Variants in ERICH3 observed in about 807,000 individuals in gnomAD.
ERICH3 encodes glutamate rich 3.
Under a neutral mutation model 131.1 loss-of-function variants are expected in ERICH3, and 126 were observed. The ratio of observed to expected loss-of-function variants is 0.96; its 90% CI spans 0.83 to 1.11. The LOEUF is 1.11. Ranked by LOEUF, ERICH3 falls within the 50% of genes most tolerant of loss-of-function variation. ERICH3 has a pLI of 0.00. For synonymous variants in ERICH3, 695 were observed against 644.6 expected (o/e 1.08, Z -1.18); for missense variants, 2,050 against 1,810.7 (o/e 1.13, Z -2.40).
chr1:74,604,030 C>T (rs1297293453), intron 10 of ERICH3, among the ~76,000 whole-genome samples: 1 of 151,828 alleles, frequency 6.6e-6, no homozygotes, highest in Non-Finnish European at 1.5e-5. Context: ...CACAGTAAAA[C>T]CTCTTTTAAA....
chr1:74,588,453 A>T (rs925019464), intron 12 of ERICH3, among the ~76,000 whole-genome samples: 1 of 152,178 alleles, frequency 6.6e-6, no homozygotes, highest in South Asian at 2.1e-4. Flanking sequence ...GAAGTAATAG[A>T]TAACTATTCG....
intron 1 of ERICH3, among the ~76,000 whole-genome samples, chr1:74,662,224 C>A (rs908997803): frequency 6.6e-6 from 1 of 152,148 alleles, no homozygotes; most frequent in African/African-American, 2.4e-5. Flanking sequence ...ATTGGAATCT[C>A]AATATTCGTC....
intron 1 of ERICH3, among the ~76,000 whole-genome samples, chr1:74,661,357 C>A (rs1374676795): frequency 6.6e-6 from 1 of 152,040 alleles, no homozygotes; most frequent in Non-Finnish European, 1.5e-5. Context: ...TAGAGAGGTA[C>A]AAATGTTCTG....
chr1:74,598,094 T>C (rs1203417428), intron 11 of ERICH3, among the ~76,000 whole-genome samples: 2 of 151,992 alleles, frequency 1.3e-5, no homozygotes, highest in African/African-American at 4.8e-5. Flanking sequence ...GTCTACCTAC[T>C]GCTGTTTTCC....
chr1:74,672,703 T>TA (rs1427256534), intron 1 of ERICH3, among the ~76,000 whole-genome samples: 3 of 152,140 alleles, frequency 2.0e-5, no homozygotes, highest in East Asian at 3.8e-4. Flanking sequence ...TGTATCATAA[T>TA]AAAAAATCGT....
chr1:74,598,550 C>T (rs1647964160), intron 11 of ERICH3, among the ~76,000 whole-genome samples: 1 of 151,690 alleles, frequency 6.6e-6, no homozygotes, highest in African/African-American at 2.4e-5. Context: ...ATGTGATAAA[C>T]TATGCCTAAT....
In ERICH3 at chr1:74,606,541, A is replaced by G. The variant is rs142394781; in HGVS notation, c.1489+60T>C. Reference sequence around the variant, plus strand: ...TATTTTTGAAAATTTTGATCATCACATTTCAAAGACAAACGAAACAGCCAC... The same window carrying G: ...TATTTTTGAAAATTTTGATCATCACGTTTCAAAGACAAACGAAACAGCCAC... On this transcript the variant is annotated intron_variant, in intron 10 of 14. Transcript: ENST00000326665. 7.7e-4 allele frequency: 1,149 copies of G among 1,499,648 alleles called. 11 individuals are homozygous for G. The African/African-American group carries it at 0.014, about 18-fold the overall frequency. The allele number at this position is 1,499,648 out of a possible 1,614,324, so 92.9% of individuals were successfully genotyped here.
At chr1:74,585,000 C>G (rs1248004035) in intron 12 of ERICH3, among the ~76,000 whole-genome samples, 2 of 152,104 alleles carry the variant, frequency 1.3e-5, no homozygotes, top group Non-Finnish European at 2.9e-5. Context: ...TTCAAATTGC[C>G]TGGTCAAGCA....
intron 11 of ERICH3, among the ~76,000 whole-genome samples, chr1:74,593,093 C>G (rs1647683883): frequency 6.6e-6 from 1 of 152,112 alleles, no homozygotes; most frequent in Non-Finnish European, 1.5e-5. Flanking sequence ...GCTATAAGAA[C>G]CTGCTTTTGC....
intron 7 of ERICH3, among the ~76,000 whole-genome samples, chr1:74,626,448 G>A (rs530076112): frequency 2.0e-5 from 3 of 152,108 alleles, no homozygotes; most frequent in Non-Finnish European, 4.4e-5. Context: ...TCAAACTAGT[G>A]TCATAAACTT....
At chr1:74,660,698 ATG>A (rs1258395183) in intron 1 of ERICH3, among the ~76,000 whole-genome samples, 2 of 149,008 alleles carry the variant, frequency 1.3e-5, no homozygotes, top group Non-Finnish European at 3.0e-5. Context: ...TATATATATT[ATG>A]TGTGTATATA....
intron 1 of ERICH3, among the ~76,000 whole-genome samples, chr1:74,663,188 C>T (rs982748328): frequency 1.3e-5 from 2 of 152,066 alleles, no homozygotes; most frequent in Non-Finnish European, 1.5e-5. Context: ...AGACACCAAG[C>T]GAACATATTG....
chr1:74,571,210 C>T lies in ERICH3; in HGVS notation c.4500G>A (p.Lys1500=). 4 of 1,614,150 alleles carry T rather than the reference C, an allele frequency of 2.5e-6. No individual in the cohort carries two copies. The highest frequency in any genetic ancestry group is 3.4e-6 in the Non-Finnish European group (4 of 1,180,018). ...SLQAMATLPV[K]PDFTETREKQ... Reference sequence around the variant, plus strand: ...TCTCTCGGGTTTCAGTGAAATCAGGCTTCACTGGAAGTGTTGCCATCGCCT... The same window carrying T: ...TCTCTCGGGTTTCAGTGAAATCAGGTTTCACTGGAAGTGTTGCCATCGCCT... The change falls in exon 14 of 15, where the codon AAG becomes AAA. Residue 1500 remains lysine (K), a synonymous_variant. Coordinates refer to ENST00000326665, the MANE Select transcript of ERICH3 (RefSeq NM_001002912.5).
intron 9 of ERICH3, among the ~76,000 whole-genome samples, chr1:74,607,240 T>A (rs1399931542): frequency 6.6e-6 from 1 of 151,934 alleles, no homozygotes; most frequent in Non-Finnish European, 1.5e-5. Context: ...ACACATATCA[T>A]AGATACAGAA....
rs1311955054 is a variant in ERICH3, at chr1:74,599,895, T to C, written c.1526A>G (p.Gln509Arg). 2.5e-6 allele frequency: 4 copies of C among 1,611,674 alleles called. No homozygotes were observed. The highest frequency in any genetic ancestry group is 2.2e-5 in the South Asian group (2 of 90,886). ...EEDFEVDEEKQGEKSNEEGQA... is the reference protein window; with the variant it reads ...EEDFEVDEEKRGEKSNEEGQA... Reference sequence around the variant, plus strand: ...TCCTTCTTCATTAGATTTTTCACCTTGTTTCTCCTCATCTACTTCAAAGTC... The same window carrying C: ...TCCTTCTTCATTAGATTTTTCACCTCGTTTCTCCTCATCTACTTCAAAGTC... Residue 509 changes from glutamine to arginine, a missense_variant, in exon 11 of 15, where the codon CAA becomes CGA. Transcript: ENST00000326665.
intron 1 of ERICH3, among the ~76,000 whole-genome samples, chr1:74,666,491 C>A (rs915517827): frequency 7.2e-5 from 11 of 152,144 alleles, no homozygotes; most frequent in African/African-American, 2.4e-4. Context: ...CTTGTCACAT[C>A]TTTTTCTCTT....
At chr1:74,596,555 T>C (rs966947634) in intron 11 of ERICH3, among the ~76,000 whole-genome samples, 2 of 152,206 alleles carry the variant, frequency 1.3e-5, no homozygotes, top group Admixed American at 6.5e-5. Context: ...CCCTACTGTG[T>C]AGTAAAATAC....
At chr1:74,619,113 T>C (rs947011574) in intron 8 of ERICH3, among the ~76,000 whole-genome samples, 1 of 152,198 alleles carries the variant, frequency 6.6e-6, no homozygotes, top group Non-Finnish European at 1.5e-5. Context: ...CCCCATTCCA[T>C]GCTATTATTC....
intron 1 of ERICH3, among the ~76,000 whole-genome samples, chr1:74,663,390 G>C (rs890363771): frequency 7.2e-5 from 11 of 152,128 alleles, no homozygotes; most frequent in African/African-American, 2.7e-4. Flanking sequence ...CTGAAGTCCA[G>C]TAGCAGCCAG....
Sources: allele counts gnomAD v4.1 joint callset (sites outside exome capture counted in the v4.1 genomes callset), GRCh38; gene constraint gnomAD v4.1.1; transcripts MANE v1.5; gene names NCBI Gene and HGNC (gene_info 2026-07-23, HGNC 2026-07-21).